PMAIP1: variants seen among roughly 807,000 people sequenced by gnomAD.
PMAIP1 encodes the protein PMA-induced protein 1.
A neutral mutation model predicts 3.7 loss-of-function variants in PMAIP1; 3 were observed. The observed-to-expected ratio is 0.82, with a 90% CI of 0.37 to 2.12. The LOEUF is 2.12. Ranked by LOEUF, PMAIP1 falls within the 30% of genes most tolerant of loss-of-function variation. The probability of loss-of-function intolerance (pLI) is 0.06; values close to 1 mark genes in which losing one functional copy is unlikely to be tolerated. For missense variants in PMAIP1, 77 were observed against 67.1 expected (o/e 1.15, Z -0.52); for synonymous variants, 29 against 26.2 (o/e 1.11, Z -0.32).
In PMAIP1 at chr18:59,904,000, T is replaced by C. The variant is rs1313245724; in HGVS notation, c.*1247T>C. 1.3e-5 allele frequency: 2 copies of C among 152,192 alleles called. No individual in the cohort carries two copies. Among genetic ancestry groups the C allele is most frequent in the Non-Finnish European group, 2.9e-5 (2 of 67,996 alleles). The allele number at this position is 152,192 out of a possible 1,614,324, so 9.4% of individuals were successfully genotyped here. Reference sequence around the variant, plus strand: ...TTATTTTGCCTATTTATAATTAAAGTATTTTTCTTTAGTTTGAAAATGTGT... The same window carrying C: ...TTATTTTGCCTATTTATAATTAAAGCATTTTTCTTTAGTTTGAAAATGTGT... On this transcript the variant is annotated 3_prime_UTR_variant, in exon 2 of 2. Coordinates refer to ENST00000316660, the MANE Select transcript of PMAIP1 (RefSeq NM_021127.3).
At chr18:59,901,630 A>T (rs1007227529) in intron 1 of PMAIP1, among the ~76,000 whole-genome samples, 1 of 152,236 alleles carries the variant, frequency 6.6e-6, no homozygotes, top group African/African-American at 2.4e-5. Context: ...TTTGAGCCTA[A>T]ATACGGTATT....
intron 1 of PMAIP1, among the ~76,000 whole-genome samples, chr18:59,901,459 A>G (rs1176358662): frequency 6.6e-6 from 1 of 152,134 alleles, no homozygotes; most frequent in East Asian, 1.9e-4. Flanking sequence ...ACTTCCCAAC[A>G]TATTTGATCT....
intron 1 of PMAIP1, chr18:59,900,521 CCT>C (rs1452360214): frequency 2.6e-6 from 4 of 1,550,366 alleles, no homozygotes; most frequent in African/African-American, 1.4e-5. Flanking sequence ...CTCCTTTCCT[CCT>C]CTCTTTCCTC....
chr18:59,900,057 C>T lies in PMAIP1; in HGVS notation c.-121C>T, dbSNP rs1480397181. On this transcript the variant is annotated 5_prime_UTR_variant, in exon 1 of 2. Transcript: ENST00000316660. ...CTCCGCGCGTCCGGACACCCGATCCCAGCATCCCTGCCTGCAGGACTGTTC... is the reference window on the plus strand; with the variant it reads ...CTCCGCGCGTCCGGACACCCGATCCTAGCATCCCTGCCTGCAGGACTGTTC... 1.6e-5 allele frequency: 17 copies of T among 1,083,056 alleles called. No individual in the cohort carries two copies. The highest frequency in any genetic ancestry group is 2.6e-6 in the Non-Finnish European group (2 of 780,646). The allele number at this position is 1,083,056 out of a possible 1,614,324, so 67.1% of individuals were successfully genotyped here. A position where few individuals can be genotyped will look rare whatever the true frequency, so the allele number is the denominator to read the frequency against.
intron 1 of PMAIP1, 74 bp downstream of exon 1, chr18:59,900,309 C>A (rs1215774003): frequency 1.1e-5 from 16 of 1,513,686 alleles, no homozygotes; most frequent in Non-Finnish European, 1.4e-5. Context: ...TCGGCTGGGG[C>A]GGGCTCAGCT....
chr18:59,900,305 G>A, intron 1 of PMAIP1, 70 bp downstream of exon 1: 1 of 1,517,026 alleles, frequency 6.6e-7, no homozygotes. Flanking sequence ...GGTCTCGGCT[G>A]GGGCGGGCTC....
chr18:59,902,637 TC>T lies in PMAIP1; in HGVS notation c.59-8del. Reference sequence around the variant, plus strand: ...CAATGTTCATGTCCATGTTTTGCTTTCCTTCTCAGAGCTGGAAGTCGAGTGT... The same window carrying T: ...CAATGTTCATGTCCATGTTTTGCTTTCTTCTCAGAGCTGGAAGTCGAGTGT... On this transcript the variant is annotated splice_polypyrimidine_tract_variant and intron_variant, in intron 1 of 1. Coordinates refer to ENST00000316660, the MANE Select transcript of PMAIP1 (RefSeq NM_021127.3). 6.2e-7 allele frequency: 1 copy of T among 1,613,218 alleles called. No individual in the cohort carries two copies. Among genetic ancestry groups the T allele is most frequent in the Non-Finnish European group, 8.5e-7 (1 of 1,179,132 alleles).
chr18:59,902,553 C>T (rs2055779422), intron 1 of PMAIP1, 94 bp from the exon 2 acceptor site: 1 of 1,042,250 alleles, frequency 9.6e-7, no homozygotes, highest in South Asian at 1.3e-5. Context: ...TCCTGGGATA[C>T]TCAATTTGTC....
intron 1 of PMAIP1, among the ~76,000 whole-genome samples, chr18:59,902,272 A>G (rs2055776918): frequency 6.6e-6 from 1 of 152,088 alleles, no homozygotes; most frequent in Non-Finnish European, 1.5e-5. Context: ...GACTTATGCT[A>G]CTCTTTGTAG....
intron 1 of PMAIP1, 43 bp downstream of exon 1, chr18:59,900,278 G>C: frequency 6.5e-7 from 1 of 1,532,478 alleles, no homozygotes; most frequent in Non-Finnish European, 8.8e-7. Flanking sequence ...GCCGGGCGGG[G>C]TCGGGGCCGG....
At chr18:59,900,354 A>G (rs1340574023) in intron 1 of PMAIP1, 119 bp downstream of exon 1, 1 of 1,529,980 alleles carries the variant, frequency 6.5e-7, no homozygotes, top group African/African-American at 1.4e-5. Context: ...ACGGGGGTCA[A>G]GGTCGGGCCA....
Position 59,902,646 on chromosome 18 carries a change from G to A in PMAIP1, c.59-1G>A, listed in dbSNP as rs1420156791. The A allele has an allele frequency of 1.2e-6, 2 of 1,613,886 alleles. No individual in the cohort carries two copies. The highest frequency in any genetic ancestry group is 1.7e-6 in the Non-Finnish European group (2 of 1,179,786). On this transcript the variant is annotated splice_acceptor_variant, in intron 1 of 1. Coordinates refer to ENST00000316660, the MANE Select transcript of PMAIP1 (RefSeq NM_021127.3). LOFTEE classifies it high-confidence loss of function. ...TGTCCATGTTTTGCTTTCCTTCTCA[G>A]AGCTGGAAGTCGAGTGTGCTACTCA...
chr18:59,903,381 C>T lies in PMAIP1; in HGVS notation c.*628C>T, dbSNP rs530382215. 6.5e-6 allele frequency: 1 copy of T among 153,686 alleles called. No individual in the cohort carries two copies. The highest frequency in any genetic ancestry group is 2.0e-4 in the South Asian group (1 of 4,900). The allele number at this position is 153,686 out of a possible 1,614,324, so 9.5% of individuals were successfully genotyped here. ...AGATGATCTTTCATTCAATGTGTTC[C>T]TGTTGGGCGTTACTAGAAACTATGG... On this transcript the variant is annotated 3_prime_UTR_variant, in exon 2 of 2. Transcript: ENST00000316660.
chr18:59,900,457 G>T (rs899605820), intron 1 of PMAIP1: 3 of 1,549,352 alleles, frequency 1.9e-6, no homozygotes, highest in Non-Finnish European at 2.6e-6. Context: ...TACGGCGAGG[G>T]ACCAAGCCGG....
At position 59,902,744 on chromosome 18, in the gene PMAIP1, A is replaced by T; in HGVS notation, c.156A>T (p.Ser52=). 1 of 1,614,212 alleles carries T rather than the reference A, an allele frequency of 6.2e-7. No individual in the cohort carries two copies. Residue 52 remains serine, a synonymous_variant, in exon 2 of 2, where the codon TCA becomes TCT. Coordinates refer to ENST00000316660, the MANE Select transcript of PMAIP1 (RefSeq NM_021127.3). The part of the protein sequence containing the change: ...LLNLISKLFC[S]GT ...ATCTGATATCCAAACTCTTCTGCTCAGGAACCTGACTGCATCAAAAACTTG... is the reference window on the plus strand; with the variant it reads ...ATCTGATATCCAAACTCTTCTGCTCTGGAACCTGACTGCATCAAAAACTTG...
intron 1 of PMAIP1, among the ~76,000 whole-genome samples, chr18:59,901,946 A>G (rs1279857579): frequency 2.0e-5 from 3 of 152,214 alleles, no homozygotes; most frequent in South Asian, 2.1e-4. Flanking sequence ...TCATTTCCAT[A>G]AAGGCAATGG....
intron 1 of PMAIP1, among the ~76,000 whole-genome samples, chr18:59,902,268 T>C (rs758775267): frequency 2.0e-5 from 3 of 152,238 alleles, no homozygotes; most frequent in African/African-American, 7.2e-5. Flanking sequence ...TGGTGACTTA[T>C]GCTACTCTTT....
Position 59,900,069 on chromosome 18 carries a change from C to T in PMAIP1, c.-109C>T, listed in dbSNP as rs1197965857. ...GGACACCCGATCCCAGCATCCCTGC[C>T]TGCAGGACTGTTCGTGTTCAGCTCG... On this transcript the variant is annotated 5_prime_UTR_variant, in exon 1 of 2. Transcript: ENST00000316660. The T allele has an allele frequency of 1.1e-5, 14 of 1,239,174 alleles. No individual in the cohort carries two copies. Among genetic ancestry groups the T allele is most frequent in the African/African-American group, 6.0e-5 (4 of 66,682 alleles). 76.8% of individuals were successfully genotyped at this position (1,239,174 alleles called of 1,614,324 possible). A position where few individuals can be genotyped will look rare whatever the true frequency, so the allele number is the denominator to read the frequency against.
chr18:59,900,157 T>TGGGC lies in PMAIP1; in HGVS notation c.-18_-15dup. The stretch of plus-strand genomic sequence containing the variant: ...GAGGTTCCCGGGCTCTGTAGCTGAG[T>TGGGC]GGGCGGCGGCACCGGCGGAGATGCC... On this transcript the variant is annotated 5_prime_UTR_variant, in exon 1 of 2. Coordinates refer to ENST00000316660, the MANE Select transcript of PMAIP1 (RefSeq NM_021127.3). 1 of 1,554,880 alleles carries TGGGC rather than the reference T, an allele frequency of 6.4e-7. No homozygotes were observed. Among genetic ancestry groups the TGGGC allele is most frequent in the Non-Finnish European group, 8.7e-7 (1 of 1,154,276 alleles).
Sources: gnomAD v4.1 joint callset for allele counts (sites outside exome capture counted in the v4.1 genomes callset) on GRCh38, gnomAD v4.1.1 for gene constraint, MANE v1.5 for transcripts, NCBI Gene and HGNC (gene_info 2026-07-23, HGNC 2026-07-21) for gene names.